ARFGEF1: variants seen among roughly 807,000 people sequenced by gnomAD.
ARFGEF1 encodes ARF guanine nucleotide exchange factor 1.
Under a neutral mutation model 231.0 loss-of-function variants are expected in ARFGEF1, and 42 were observed. The observed-to-expected ratio is 0.18, with a 90% CI of 0.14 to 0.24. ARFGEF1 has a LOEUF of 0.24. ARFGEF1 is among the 10% of genes least tolerant of loss of function. ARFGEF1 has a pLI of 1.00. For synonymous variants in ARFGEF1, 710 were observed against 732.3 expected (o/e 0.97, Z 0.49); for missense variants, 1,345 against 2,192.0 (o/e 0.61, Z 7.72).
chr8:67,327,362 G>A (rs921431123), intron 1 of ARFGEF1, among the ~76,000 whole-genome samples: 1 of 148,494 alleles, frequency 6.7e-6, no homozygotes, highest in Non-Finnish European at 1.5e-5. Context: ...CTGTTGCCCA[G>A]GCTGGAGTGC....
At chr8:67,230,501 C>A (rs945241918) in intron 23 of ARFGEF1, among the ~76,000 whole-genome samples, 15 of 151,918 alleles carry the variant, frequency 9.9e-5, no homozygotes, top group African/African-American at 3.6e-4. Context: ...GGTTTTTTCA[C>A]AATGAATATA....
At chr8:67,298,932 A>G (rs979795465) in intron 4 of ARFGEF1, among the ~76,000 whole-genome samples, 2 of 151,934 alleles carry the variant, frequency 1.3e-5, no homozygotes, top group African/African-American at 4.8e-5. Flanking sequence ...TGCCCAGCTA[A>G]TTTTTTTGGT....
At chr8:67,329,954 TA>T (rs929223184) in intron 1 of ARFGEF1, among the ~76,000 whole-genome samples, 5 of 149,786 alleles carry the variant, frequency 3.3e-5, no homozygotes, top group East Asian at 3.9e-4. Context: ...GTGCTAAAAA[TA>T]AAAAAAAACA....
chr8:67,257,687 T>C (rs55908039), intron 17 of ARFGEF1, 45 bp downstream of exon 17: 51,789 of 1,388,878 alleles, frequency 0.037, 2,331 homozygotes, highest in African/African-American at 0.22. Flanking sequence ...ATAATGTACT[T>C]ATTTTGTACC....
intron 3 of ARFGEF1, among the ~76,000 whole-genome samples, chr8:67,300,800 C>T (rs571728572): frequency 2.6e-5 from 4 of 151,088 alleles, no homozygotes; most frequent in South Asian, 2.1e-4. Context: ...GCCAAGATTA[C>T]GCCACTGCAC....
At chr8:67,230,761 C>G (rs1162663364) in intron 23 of ARFGEF1, among the ~76,000 whole-genome samples, 1 of 151,980 alleles carries the variant, frequency 6.6e-6, no homozygotes, top group Non-Finnish European at 1.5e-5. Flanking sequence ...TAGTAATATT[C>G]ATTATGAAAT....
At chr8:67,258,438 C>T (rs1840532151) in intron 15 of ARFGEF1, 148 bp from the exon 16 acceptor site, 3 of 584,550 alleles carry the variant, frequency 5.1e-6, no homozygotes, top group Non-Finnish European at 8.8e-6. Context: ...GATTCTCCTG[C>T]CTCGGCCTCC....
At chr8:67,280,807 G>GA (rs954388875) in intron 7 of ARFGEF1, among the ~76,000 whole-genome samples, 1 of 152,028 alleles carries the variant, frequency 6.6e-6, no homozygotes, top group African/African-American at 2.4e-5. Context: ...ACAAGAAATA[G>GA]AAAAAACATA....
Position 67,266,142 on chromosome 8 carries a change from C to T in ARFGEF1, c.1987G>A (p.Gly663Arg), listed in dbSNP as rs1804839636. The change falls in exon 14 of 39, where the codon GGA becomes AGA. Residue 663 changes from glycine (G) to arginine (R), a missense_variant. By Grantham distance (125) the Gly-to-Arg change is moderately radical. Coordinates refer to ENST00000262215, the MANE Select transcript of ARFGEF1 (RefSeq NM_006421.5). ...GTTGACTCCAGGGAATTTAAACTTCCGTATCTGTTTATTGTCTCAGGGTGT... is the reference window on the plus strand; with the variant it reads ...GTTGACTCCAGGGAATTTAAACTTCTGTATCTGTTTATTGTCTCAGGGTGT... The part of the protein sequence containing the change: ...IKHPETINRY[G>R]SLNSLESTSS... The T allele has an allele frequency of 1.2e-6, 2 of 1,613,624 alleles. No homozygotes were observed. The highest frequency in any genetic ancestry group is 8.5e-7 in the Non-Finnish European group (1 of 1,179,836).
At chr8:67,239,564 T>C (rs1839868167) in intron 20 of ARFGEF1, among the ~76,000 whole-genome samples, 2 of 152,204 alleles carry the variant, frequency 1.3e-5, no homozygotes, top group Admixed American at 6.5e-5. Context: ...TTAAGCACTT[T>C]TGTTTTGATT....
chr8:67,232,611 C>T (rs897699086), intron 23 of ARFGEF1, among the ~76,000 whole-genome samples: 5 of 151,942 alleles, frequency 3.3e-5, no homozygotes, highest in Non-Finnish European at 7.4e-5. Context: ...TTACCATTTC[C>T]TTAATGCCCA....
downstream of ARFGEF1, chr8:67,197,561 A>G: frequency 1.7e-5 from 16 of 926,952 alleles, no homozygotes; most frequent in Non-Finnish European, 2.1e-5. Context: ...AGAACCAAAC[A>G]ATATTGAATT....
intron 1 of ARFGEF1, among the ~76,000 whole-genome samples, chr8:67,335,260 T>G (rs1041605270): frequency 6.6e-6 from 1 of 151,676 alleles, no homozygotes; most frequent in Non-Finnish European, 1.5e-5. Context: ...CGCCCGCCAC[T>G]ACGACTGGCT....
chr8:67,300,771 G>T (rs944382027), intron 3 of ARFGEF1, among the ~76,000 whole-genome samples: 1 of 151,660 alleles, frequency 6.6e-6, no homozygotes, highest in East Asian at 1.9e-4. Flanking sequence ...TTGAACACAG[G>T]GGGCAGAGGT....
rs1284067597 is a variant in ARFGEF1, at chr8:67,343,669, A to G, written c.-382T>C. 41 of 955,740 alleles carry G rather than the reference A, an allele frequency of 4.3e-5. No individual in the cohort carries two copies. Among genetic ancestry groups the G allele is most frequent in the Non-Finnish European group, 5.0e-5 (40 of 797,646 alleles). 59.2% of individuals were successfully genotyped at this position (955,740 alleles called of 1,614,324 possible). On this transcript the variant is annotated 5_prime_UTR_variant, in exon 1 of 39. Transcript: ENST00000262215. ...GGGACGAGGTGGCGGCGGCTCTCAGAGGCACCGCGAGAGAAGGGCTACCCT... is the reference window on the plus strand; with the variant it reads ...GGGACGAGGTGGCGGCGGCTCTCAGGGGCACCGCGAGAGAAGGGCTACCCT...
chr8:67,209,819 G>A (rs1440833963), intron 34 of ARFGEF1, among the ~76,000 whole-genome samples: 1 of 152,070 alleles, frequency 6.6e-6, no homozygotes, highest in Non-Finnish European at 1.5e-5. Context: ...GCCGACTAAG[G>A]TTGGGGTGCA....
intron 14 of ARFGEF1, among the ~76,000 whole-genome samples, chr8:67,261,284 T>C (rs905387808): frequency 2.0e-5 from 3 of 152,228 alleles, no homozygotes; most frequent in African/African-American, 7.2e-5. Flanking sequence ...GAGGAGAAGT[T>C]AATGCCTGGC....
chr8:67,266,754 G>A lies in ARFGEF1; in HGVS notation c.1921+122C>T, dbSNP rs554863920. On this transcript the variant is annotated intron_variant, in intron 13 of 38. Coordinates refer to ENST00000262215, the MANE Select transcript of ARFGEF1 (RefSeq NM_006421.5). ...GCTAGACATTTAACTCACAGAGAAT[G>A]TTTCCTCATCAGTTAAATGAATAAA... 9.5e-6 allele frequency: 6 copies of A among 632,612 alleles called. No individual in the cohort carries two copies. The South Asian group carries it at 9.7e-5, about 10-fold the overall frequency. 39.2% of individuals were successfully genotyped at this position (632,612 alleles called of 1,614,324 possible).
At chr8:67,257,648 A>C in intron 17 of ARFGEF1, 84 bp downstream of exon 17, 1 of 1,152,890 alleles carries the variant, frequency 8.7e-7, no homozygotes, top group Non-Finnish European at 1.3e-6. Context: ...ATAAAACTAA[A>C]ATTTCAACTA....
Sources: allele counts gnomAD v4.1 joint callset (sites outside exome capture counted in the v4.1 genomes callset), GRCh38; gene constraint gnomAD v4.1.1; transcripts MANE v1.5; gene names NCBI Gene and HGNC (gene_info 2026-07-23, HGNC 2026-07-21).